FHAD1: variants seen among roughly 807,000 people sequenced by gnomAD.
The protein encoded by FHAD1 is forkhead-associated domain-containing protein 1.
Under a neutral mutation model 191.3 loss-of-function variants are expected in FHAD1, and 146 were observed. The observed-to-expected ratio is 0.76, with a 90% CI of 0.67 to 0.88. The LOEUF (loss-of-function observed/expected upper bound fraction) is 0.88. FHAD1 is among the 40% of genes least tolerant of loss of function. The pLI, the probability that FHAD1 is intolerant of heterozygous loss-of-function variation, is 0.00. For missense variants in FHAD1, 1,635 were observed against 1,785.8 expected, an observed-to-expected ratio of 0.92 and a Z score of 1.52; for synonymous variants, 616 against 672.3, an observed-to-expected ratio of 0.92 and a Z score of 1.29.
At chr1:15,250,878 AG>A (rs1016870920) in intron 1 of FHAD1, among the ~76,000 whole-genome samples, 37 of 152,186 alleles carry the variant, frequency 2.4e-4, no homozygotes, top group Middle Eastern at 3.2e-3. Context: ...ATAGAAGTTT[AG>A]GGTTCCTTGG....
chr1:15,339,454 C>A, intron 14 of FHAD1, 27 bp from the exon 15 acceptor site: 1 of 1,129,712 alleles, frequency 8.9e-7, no homozygotes, highest in East Asian at 5.9e-5. Context: ...TTGATACTTA[C>A]ATTCTTCCTG....
intron 1 of FHAD1, among the ~76,000 whole-genome samples, chr1:15,247,710 C>T (rs1646259196): frequency 6.6e-6 from 1 of 152,254 alleles, no homozygotes; most frequent in African/African-American, 2.4e-5. Flanking sequence ...GACTTACGAA[C>T]GACACCCACC....
intron 16 of FHAD1, chr1:15,343,980 C>A (rs1382196346): frequency 1.3e-5 from 2 of 152,244 alleles, no homozygotes; most frequent in African/African-American, 4.8e-5. Flanking sequence ...TCCTAGACAA[C>A]CCTGGCGACA....
intron 32 of FHAD1, among the ~76,000 whole-genome samples, chr1:15,389,177 C>T (rs946169471): frequency 1.3e-5 from 2 of 152,124 alleles, no homozygotes; most frequent in Non-Finnish European, 2.9e-5. Context: ...AAGAATCCTA[C>T]TGGTACGCCT....
At chr1:15,298,519 T>C (rs774856031) in intron 5 of FHAD1, among the ~76,000 whole-genome samples, 9 of 152,118 alleles carry the variant, frequency 5.9e-5, no homozygotes, top group Non-Finnish European at 8.8e-5. Flanking sequence ...CTGCACATAG[T>C]TTTTCATCCT....
intron 3 of FHAD1, among the ~76,000 whole-genome samples, chr1:15,277,629 T>A (rs1245374880): frequency 6.6e-6 from 1 of 152,188 alleles, no homozygotes; most frequent in African/African-American, 2.4e-5. Flanking sequence ...CTCAGGCAAG[T>A]TCCTCACTGC....
chr1:15,383,027 C>T, intron 31 of FHAD1: 1 of 464,776 alleles, frequency 2.2e-6, no homozygotes, highest in Non-Finnish European at 4.5e-6. Context: ...CGCACGCGCA[C>T]ACACTCTGGT....
intron 7 of FHAD1, among the ~76,000 whole-genome samples, chr1:15,310,730 G>A (rs931752490): frequency 6.6e-6 from 1 of 152,152 alleles, no homozygotes; most frequent in East Asian, 1.9e-4. Flanking sequence ...CACTGGGCCG[G>A]GTTACGCTGC....
At chr1:15,391,674 C>T (rs1369238827) in intron 33 of FHAD1, among the ~76,000 whole-genome samples, 1 of 152,190 alleles carries the variant, frequency 6.6e-6, no homozygotes, top group South Asian at 2.1e-4. Context: ...GCTTATTTAA[C>T]AAGTTTGATA....
At chr1:15,309,120 T>C (rs1343318712) in intron 7 of FHAD1, among the ~76,000 whole-genome samples, 1 of 152,228 alleles carries the variant, frequency 6.6e-6, no homozygotes, top group East Asian at 1.9e-4. Flanking sequence ...GGGTTGCCAG[T>C]TTAAGGCACC....
chr1:15,367,640 C>T lies in FHAD1; in HGVS notation c.3314+18C>T, dbSNP rs902848479. 10 of 173,678 alleles carry T rather than the reference C, an allele frequency of 5.8e-5. No individual in the cohort carries two copies. Among genetic ancestry groups the T allele is most frequent in the Admixed American group, 4.2e-4 (4 of 9,536 alleles). The allele number at this position is 173,678 out of a possible 1,614,324, so 10.8% of individuals were successfully genotyped here. ...GCACTCAGGTTGGGTGGGCGGGGGCCGGGTTGGGGGGATGGTTTGCCTGCC... is the reference window on the plus strand; with the variant it reads ...GCACTCAGGTTGGGTGGGCGGGGGCTGGGTTGGGGGGATGGTTTGCCTGCC... On this transcript the variant is annotated intron_variant, in intron 25 of 33. Coordinates refer to ENST00000688493, the MANE Select transcript of FHAD1 (RefSeq NM_001391957.1).
intron 7 of FHAD1, among the ~76,000 whole-genome samples, chr1:15,309,822 G>C (rs1671695217): frequency 6.6e-6 from 1 of 152,194 alleles, no homozygotes; most frequent in Non-Finnish European, 1.5e-5. Flanking sequence ...TATCTCTGAG[G>C]AGGTGGGAGG....
At chr1:15,391,515 CT>C (rs1403859889) in intron 33 of FHAD1, among the ~76,000 whole-genome samples, 2 of 152,134 alleles carry the variant, frequency 1.3e-5, no homozygotes, top group African/African-American at 4.8e-5. Flanking sequence ...TTAATCAAGT[CT>C]ATAAAATCTT....
rs1192676499 is a variant in FHAD1, at chr1:15,329,234, C to T, written c.1711-112C>T. 2.3e-5 allele frequency: 20 copies of T among 858,110 alleles called. No homozygotes were observed. The highest frequency in any genetic ancestry group is 5.1e-5 in the South Asian group (2 of 39,146). The allele number at this position is 858,110 out of a possible 1,614,324, so 53.2% of individuals were successfully genotyped here. On this transcript the variant is annotated intron_variant, in intron 13 of 33. Transcript: ENST00000688493. The surrounding 1 kb of genome is among the most constrained non-coding windows in gnomAD (Gnocchi z 5.0). ...CTGAGTCCTCCCAAGGCGGCCAATA[C>T]GTGGCGCTGCCTGCTTCGTGGCAGA...
Position 15,394,978 on chromosome 1 carries a change from CG to C in FHAD1, c.4324-2313del, listed in dbSNP as rs113431847. Among the ~76,000 whole-genome samples the C allele has an allele frequency of 2.4e-3, 364 of 152,004 alleles. 1 individual carries two copies. Among genetic ancestry groups the C allele is most frequent in the African/African-American group, 8.2e-3 (341 of 41,454 alleles). ...AAATCTACTCAGAAAAGGGGCAGGG[CG>C]GGGGGCTTTTATAAAGATACAGAAA... On this transcript the variant is annotated intron_variant, in intron 33 of 33. Transcript: ENST00000688493.
In FHAD1 at chr1:15,389,988, G is replaced by A. The variant is rs368355591; in HGVS notation, c.4270-1222G>A. On this transcript the variant is annotated intron_variant, in intron 32 of 33. Coordinates refer to ENST00000688493, the MANE Select transcript of FHAD1 (RefSeq NM_001391957.1). ...GCACCAGCTAGATGCCAGGCAGGGC[G>A]GCCCTGAGGCAGACGTCACAAAATA... Among the ~76,000 whole-genome samples, 6 of 152,192 alleles carry A rather than the reference G, an allele frequency of 3.9e-5. No homozygotes were observed. The South Asian group carries it at 8.3e-4, about 21-fold the overall frequency.
At position 15,381,889 on chromosome 1, in the gene FHAD1, TC is replaced by T; in HGVS notation, c.4023-138del. 2.2e-6 allele frequency: 2 copies of T among 909,222 alleles called. No homozygotes were observed. Among genetic ancestry groups the T allele is most frequent in the Non-Finnish European group, 1.7e-6 (1 of 600,764 alleles). The allele number at this position is 909,222 out of a possible 1,614,324, so 56.3% of individuals were successfully genotyped here. A position where few individuals can be genotyped will look rare whatever the true frequency, so the allele number is the denominator to read the frequency against. ...CTGCTCTCTGTACCCCAAATCTTCG[TC>T]ATGCTCTCCTGCTTGTGATGACACT... On this transcript the variant is annotated intron_variant, in intron 30 of 33. Coordinates refer to ENST00000688493, the MANE Select transcript of FHAD1 (RefSeq NM_001391957.1). This position sits in a 1 kb window ranked among gnomAD's most constrained non-coding sequence, Gnocchi z 4.6.
intron 9 of FHAD1, among the ~76,000 whole-genome samples, chr1:15,317,382 T>C (rs1674823173): frequency 1.3e-5 from 2 of 152,208 alleles, no homozygotes; most frequent in African/African-American, 4.8e-5. Flanking sequence ...GCCAGCACCG[T>C]TCCTCCAGGC....
In FHAD1 at chr1:15,317,895, C is replaced by T. The variant is rs1278356209; in HGVS notation, c.1332C>T (p.Ser444=). The T allele has an allele frequency of 5.8e-6, 9 of 1,551,480 alleles. No homozygotes were observed. Among genetic ancestry groups the T allele is most frequent in the African/African-American group, 2.7e-5 (2 of 73,040 alleles). ...AELRKSCTEQ[S]VISRTLREKS... is the part of the protein sequence containing the mutation. ...TGAGGAAGAGTTGTACTGAACAAAG[C>T]GTGATCTCTAGGACTCTGAGAGAAA... Residue 444 remains serine, a synonymous_variant, in exon 10 of 34, where the codon AGC becomes AGT. Coordinates refer to ENST00000688493, the MANE Select transcript of FHAD1 (RefSeq NM_001391957.1).
Sources: allele counts gnomAD v4.1 joint callset (sites outside exome capture counted in the v4.1 genomes callset), GRCh38; gene constraint gnomAD v4.1.1; non-coding constraint Gnocchi (gnomAD v3.1); transcripts MANE v1.5; gene names NCBI Gene and HGNC (gene_info 2026-07-23, HGNC 2026-07-21).